The following AGBL1 variants were observed in gnomAD, a reference collection of about 807,000 sequenced individuals.
The protein encoded by AGBL1 is cytosolic carboxypeptidase 4.
A neutral mutation model predicts 118.9 loss-of-function variants in AGBL1; 130 were observed. The observed-to-expected ratio is 1.09, with a 90% CI of 0.95 to 1.26. The LOEUF (loss-of-function observed/expected upper bound fraction) is 1.26. Ranked by LOEUF, AGBL1 falls within the 50% of genes most tolerant of loss-of-function variation. The probability of loss-of-function intolerance (pLI) is 0.00; values close to 1 mark genes in which losing one functional copy is unlikely to be tolerated. For synonymous variants in AGBL1, 555 were observed against 478.9 expected, an observed-to-expected ratio of 1.16 and a Z score of -2.08; for missense variants, 1,584 against 1,298.1, an observed-to-expected ratio of 1.22 and a Z score of -3.38.
chr15:86,365,369 T>C (rs975755784), intron 17 of AGBL1, among the ~76,000 whole-genome samples: 3 of 152,156 alleles, frequency 2.0e-5, no homozygotes, highest in Non-Finnish European at 4.4e-5. Context: ...TGAATTCTTC[T>C]GATCCTAACA....
At chr15:86,971,750 G>T (rs537109573) in intron 23 of AGBL1, among the ~76,000 whole-genome samples, 1 of 151,908 alleles carries the variant, frequency 6.6e-6, no homozygotes, top group East Asian at 2.0e-4. Context: ...ATATGGTTAG[G>T]CTTTGTGTCC....
chr15:86,517,688 T>G (rs1283207939), intron 18 of AGBL1, among the ~76,000 whole-genome samples: 1 of 152,210 alleles, frequency 6.6e-6, no homozygotes, highest in Admixed American at 6.5e-5. Flanking sequence ...CCTGAGCATT[T>G]TGCGTGACAA....
chr15:86,543,938 A>G (rs1342653274), intron 19 of AGBL1, among the ~76,000 whole-genome samples: 2 of 152,250 alleles, frequency 1.3e-5, no homozygotes, highest in African/African-American at 4.8e-5. Context: ...AGGAGAAGGC[A>G]TACACAGGAT....
intron 21 of AGBL1, among the ~76,000 whole-genome samples, chr15:86,609,044 TG>T (rs1169305422): frequency 6.6e-6 from 1 of 152,204 alleles, no homozygotes; most frequent in Non-Finnish European, 1.5e-5. Context: ...GTGACTTTTT[TG>T]CTTCCAAACA....
intron 5 of AGBL1, among the ~76,000 whole-genome samples, chr15:86,166,290 A>G (rs2077340612): frequency 6.6e-6 from 1 of 152,208 alleles, no homozygotes; most frequent in Non-Finnish European, 1.5e-5. Context: ...CAAGTTGCCG[A>G]CAGCCTATGC....
intron 5 of AGBL1, among the ~76,000 whole-genome samples, chr15:86,216,257 C>G (rs376690278): frequency 4.6e-5 from 5 of 108,080 alleles, no homozygotes; most frequent in African/African-American, 1.1e-4. Flanking sequence ...TTTATTTATT[C>G]ATTTATGCTT....
At chr15:86,495,352 C>A in intron 18 of AGBL1, among the ~76,000 whole-genome samples, 1 of 149,724 alleles carries the variant, frequency 6.7e-6, no homozygotes. Context: ...CTTGATCTAT[C>A]AGTTTCTGTG....
At chr15:86,845,778 ATTTC>A (rs978428850) in intron 22 of AGBL1, among the ~76,000 whole-genome samples, 76 of 152,234 alleles carry the variant, frequency 5.0e-4, no homozygotes, top group African/African-American at 1.7e-3. Flanking sequence ...TGTATTTTCT[ATTTC>A]TTCATGAATC....
intron 22 of AGBL1, among the ~76,000 whole-genome samples, chr15:86,804,029 A>G (rs2078686268): frequency 6.6e-6 from 1 of 152,150 alleles, no homozygotes; most frequent in African/African-American, 2.4e-5. Flanking sequence ...TTTGGTGAGT[A>G]GATTTCAGGA....
At chr15:86,629,396 G>C (rs192325759) in intron 21 of AGBL1, among the ~76,000 whole-genome samples, 3 of 152,268 alleles carry the variant, frequency 2.0e-5, no homozygotes, top group Non-Finnish European at 4.4e-5. Context: ...GCTGGCATGA[G>C]TCTTATGATT....
At chr15:86,829,938 A>C (rs978035736) in intron 22 of AGBL1, among the ~76,000 whole-genome samples, 4 of 152,146 alleles carry the variant, frequency 2.6e-5, no homozygotes, top group African/African-American at 7.2e-5. Context: ...TTATTGCAAT[A>C]GCCAAGAATG....
At chr15:86,732,040 T>G (rs1396719596) in intron 22 of AGBL1, among the ~76,000 whole-genome samples, 1 of 152,240 alleles carries the variant, frequency 6.6e-6, no homozygotes, top group Non-Finnish European at 1.5e-5. Flanking sequence ...AACAGTCTTA[T>G]GAGGCAGATG....
chr15:86,724,472 A>G (rs1045403808), intron 22 of AGBL1, among the ~76,000 whole-genome samples: 4 of 152,116 alleles, frequency 2.6e-5, no homozygotes, highest in Non-Finnish European at 5.9e-5. Context: ...TGATAGCATC[A>G]TGGATGAATA....
At chr15:86,526,971 A>G (rs942045642) in intron 19 of AGBL1, among the ~76,000 whole-genome samples, 6 of 133,724 alleles carry the variant, frequency 4.5e-5, no homozygotes, top group African/African-American at 1.7e-4. Context: ...CACATAACCA[A>G]AAACTACTAA....
intron 22 of AGBL1, among the ~76,000 whole-genome samples, chr15:86,864,427 A>G (rs1387365102): frequency 6.6e-6 from 1 of 152,178 alleles, no homozygotes; most frequent in African/African-American, 2.4e-5. Flanking sequence ...ATATCACACT[A>G]TTAGTAATCT....
chr15:86,601,316 A>G (rs2084489208), intron 21 of AGBL1, among the ~76,000 whole-genome samples: 1 of 152,214 alleles, frequency 6.6e-6, no homozygotes, highest in African/African-American at 2.4e-5. Context: ...GTGACTGGGC[A>G]ATACATTATT....
At chr15:86,665,803 A>G (rs1458720681) in intron 21 of AGBL1, among the ~76,000 whole-genome samples, 1 of 151,970 alleles carries the variant, frequency 6.6e-6, no homozygotes, top group Non-Finnish European at 1.5e-5. Flanking sequence ...TTTTCTCTCA[A>G]ATATTAACCA....
chr15:86,344,265 G>A (rs1436458432), intron 17 of AGBL1, among the ~76,000 whole-genome samples: 1 of 152,246 alleles, frequency 6.6e-6, no homozygotes, highest in Non-Finnish European at 1.5e-5. Context: ...CTGGAATAGT[G>A]TGATGAGACA....
At chr15:86,214,254 A>T (rs2078148589) in intron 5 of AGBL1, among the ~76,000 whole-genome samples, 1 of 152,200 alleles carries the variant, frequency 6.6e-6, no homozygotes, top group African/African-American at 2.4e-5. Context: ...TTGAGATAGG[A>T]TATCACATCT....
Sources: gnomAD v4.1 joint callset for allele counts (sites outside exome capture counted in the v4.1 genomes callset) on GRCh38, gnomAD v4.1.1 for gene constraint, MANE v1.5 for transcripts, NCBI Gene and HGNC (gene_info 2026-07-23, HGNC 2026-07-21) for gene names.